Variants in ACOX2 observed in about 807,000 individuals in gnomAD.
The protein encoded by ACOX2 is peroxisomal acyl-coenzyme A oxidase 2.
Under a neutral mutation model 77.5 loss-of-function variants are expected in ACOX2, and 59 were observed. That is an observed-to-expected ratio of 0.76 (90% confidence interval 0.62 to 0.95). The LOEUF is 0.95. ACOX2 is among the 40% of genes least tolerant of loss of function. ACOX2 has a pLI of 0.00. For synonymous variants in ACOX2, 317 were observed against 340.1 expected (o/e 0.93, Z 0.75); for missense variants, 837 against 880.4 (o/e 0.95, Z 0.62).
chr3:58,505,215 TTGG>T lies in ACOX2; in HGVS notation c.*6_*8del. 2 of 1,611,356 alleles carry T rather than the reference TTGG, an allele frequency of 1.2e-6. No homozygotes were observed. The highest frequency in any genetic ancestry group is 1.7e-6 in the Non-Finnish European group (2 of 1,178,246). On this transcript the variant is annotated 3_prime_UTR_variant, in exon 15 of 15. Transcript: ENST00000302819. This position sits in a 1 kb window ranked among gnomAD's most constrained non-coding sequence, Gnocchi z 4.4. ...GGTGCTGGTTGCTTCTTGAATACTGTTGGTTATTTCATAGCTTGGATCTCCAAC... is the reference window on the plus strand; with the variant it reads ...GGTGCTGGTTGCTTCTTGAATACTGTTTATTTCATAGCTTGGATCTCCAAC...
intron 13 of ACOX2, chr3:58,511,684 A>G (rs922658894): frequency 1.3e-5 from 2 of 152,738 alleles, no homozygotes; most frequent in African/African-American, 4.8e-5. Flanking sequence ...AGAAAAAAAA[A>G]TCCCCTCTCT....
At chr3:58,516,134 A>G (rs1486500816) in intron 13 of ACOX2, among the ~76,000 whole-genome samples, 2 of 152,228 alleles carry the variant, frequency 1.3e-5, no homozygotes, top group African/African-American at 4.8e-5. Flanking sequence ...GCACTGCATT[A>G]ATGCTGCATT....
In ACOX2 at chr3:58,524,715, G is replaced by T; in HGVS notation, c.1347-110C>A. On this transcript the variant is annotated intron_variant, in intron 10 of 14. Coordinates refer to ENST00000302819, the MANE Select transcript of ACOX2 (RefSeq NM_003500.4). The surrounding 1 kb of genome is among the most constrained non-coding windows in gnomAD (Gnocchi z 5.5). ...TCATGCTAGGTTCCAGCCTTCCCGT[G>T]GGAGAGCCAGGTCACCAGGCCTCTG... is the stretch of plus-strand genomic sequence containing the variant. The T allele has an allele frequency of 8.2e-7, 1 of 1,219,620 alleles. No homozygotes were observed. The highest frequency in any genetic ancestry group is 1.1e-6 in the Non-Finnish European group (1 of 883,886). 75.5% of individuals were successfully genotyped at this position (1,219,620 alleles called of 1,614,324 possible). A position where few individuals can be genotyped will look rare whatever the true frequency, so the allele number is the denominator to read the frequency against.
Position 58,533,570 on chromosome 3 carries a change from G to A in ACOX2, c.476-18C>T, listed in dbSNP as rs2063456499. On this transcript the variant is annotated intron_variant, in intron 4 of 14. Coordinates refer to ENST00000302819, the MANE Select transcript of ACOX2 (RefSeq NM_003500.4). This position sits in a 1 kb window ranked among gnomAD's most constrained non-coding sequence, Gnocchi z 5.6. ...ATATGTCCCTTAGGATCAAGGAGAG[G>A]TGTTAGACATTGGCCTGAGGTGGGG... 2 of 1,612,136 alleles carry A rather than the reference G, an allele frequency of 1.2e-6. No individual in the cohort carries two copies. The highest frequency in any genetic ancestry group is 1.7e-5 in the Admixed American group (1 of 60,000).
Position 58,530,748 on chromosome 3 carries a change from G to A in ACOX2, c.820-110C>T, listed in dbSNP as rs1265077859. On this transcript the variant is annotated intron_variant, in intron 7 of 14. Coordinates refer to ENST00000302819, the MANE Select transcript of ACOX2 (RefSeq NM_003500.4). ...ATGGAGGGCACCTCGCCCCTCAACC[G>A]GCGCATCTGGAGTTGGAGTGTTAAA... The A allele has an allele frequency of 6.9e-6, 9 of 1,300,948 alleles. No individual in the cohort carries two copies. The Admixed American group carries it at 7.2e-5, about 10-fold the overall frequency. The allele number at this position is 1,300,948 out of a possible 1,614,324, so 80.6% of individuals were successfully genotyped here. A position where few individuals can be genotyped will look rare whatever the true frequency, so the allele number is the denominator to read the frequency against.
Position 58,533,702 on chromosome 3 carries a change from C to A in ACOX2, c.476-150G>T. On this transcript the variant is annotated intron_variant, in intron 4 of 14. Transcript: ENST00000302819. The surrounding 1 kb of genome is among the most constrained non-coding windows in gnomAD (Gnocchi z 5.6). ...GTACTTGCAGGCAGTTCTCCCCTTT[C>A]ATCTGTGGGCTGTGTGTGGGACACA... is the stretch of plus-strand genomic sequence containing the variant. The A allele has an allele frequency of 1.4e-6, 1 of 725,546 alleles. No individual in the cohort carries two copies. Among genetic ancestry groups the A allele is most frequent in the Non-Finnish European group, 2.3e-6 (1 of 433,772 alleles). 44.9% of individuals were successfully genotyped at this position (725,546 alleles called of 1,614,324 possible).
Position 58,505,319 on chromosome 3 carries a change from G to A in ACOX2, c.1984-33C>T. ...TAGAAAGAAACGCATTATTAACACA[G>A]TACATTTCTGCCAGGATTAATGACT... is the stretch of plus-strand genomic sequence containing the variant. On this transcript the variant is annotated intron_variant, in intron 14 of 14. Coordinates refer to ENST00000302819, the MANE Select transcript of ACOX2 (RefSeq NM_003500.4). The surrounding 1 kb of genome is among the most constrained non-coding windows in gnomAD (Gnocchi z 4.4). 1 of 1,539,768 alleles carries A rather than the reference G, an allele frequency of 6.5e-7. No homozygotes were observed. The highest frequency in any genetic ancestry group is 1.4e-5 in the African/African-American group (1 of 73,042).
In ACOX2 at chr3:58,515,192, T is replaced by C. The variant is rs2063313574; in HGVS notation, c.1850+2014A>G. Reference sequence around the variant, plus strand: ...TGTGCCATCACACCCAGCTAATTTTTGTATTTTTAGTAGAGACCGGGTTTC... The same window carrying C: ...TGTGCCATCACACCCAGCTAATTTTCGTATTTTTAGTAGAGACCGGGTTTC... On this transcript the variant is annotated intron_variant, in intron 13 of 14. Coordinates refer to ENST00000302819, the MANE Select transcript of ACOX2 (RefSeq NM_003500.4). This position sits in a 1 kb window ranked among gnomAD's most constrained non-coding sequence, Gnocchi z 4.0. Among the ~76,000 whole-genome samples the C allele has an allele frequency of 6.6e-6, 1 of 152,226 alleles. No individual in the cohort carries two copies. The highest frequency in any genetic ancestry group is 2.4e-5 in the African/African-American group (1 of 41,458).
intron 5 of ACOX2, among the ~76,000 whole-genome samples, chr3:58,532,457 C>G (rs2063447853): frequency 6.6e-6 from 1 of 152,036 alleles, no homozygotes; most frequent in African/African-American, 2.4e-5. Flanking sequence ...CTGAGCTCGG[C>G]TCATTGCAGC....
In ACOX2 at chr3:58,524,456, T is replaced by G; in HGVS notation, c.1496A>C (p.Tyr499Ser). 1 of 1,614,134 alleles carries G rather than the reference T, an allele frequency of 6.2e-7. No homozygotes were observed. The highest frequency in any genetic ancestry group is 1.1e-5 in the South Asian group (1 of 91,074). Residue 499 changes from tyrosine (Y) to serine (S), a missense_variant, in exon 11 of 15, where the codon TAC becomes TCC. Tyr to Ser is a moderately radical substitution (Grantham distance 144). Transcript: ENST00000302819. This position sits in a 1 kb window ranked among gnomAD's most constrained non-coding sequence, Gnocchi z 5.5. ...TGCCACATGTGCCCAGGCCGTGGTG[T>G]AGAGCTCCGGGCAGAGGAAGTCGGC... ...RAADFLCPEL[Y>S]TTAWAHVAVR...
rs930869722 is a variant in ACOX2, at chr3:58,526,963, G to C, written c.1156-307C>G. On this transcript the variant is annotated intron_variant, in intron 9 of 14. Transcript: ENST00000302819. This position sits in a 1 kb window ranked among gnomAD's most constrained non-coding sequence, Gnocchi z 4.3. ...GGCCCACAAACCTCCAGGAGTTACG[G>C]ATTTTGCTGGCCTGGGTTTTAGAAA... 1.3e-5 allele frequency among the ~76,000 whole-genome samples: 2 copies of C among 152,174 alleles called. No individual in the cohort carries two copies. Among genetic ancestry groups the C allele is most frequent in the Admixed American group, 6.5e-5 (1 of 15,286 alleles).
intron 13 of ACOX2, among the ~76,000 whole-genome samples, chr3:58,510,726 ACACACACACACACACT>A (rs2063280699): frequency 1.1e-5 from 1 of 93,440 alleles, no homozygotes. Flanking sequence ...ACACACACAC[ACACACACACACACACT>A]CAACGATTTT....
Position 58,533,762 on chromosome 3 carries a change from C to T in ACOX2, c.476-210G>A, listed in dbSNP as rs1000711221. 7.2e-5 allele frequency: 49 copies of T among 677,910 alleles called. No individual in the cohort carries two copies. Among genetic ancestry groups the T allele is most frequent in the Non-Finnish European group, 1.2e-4 (48 of 405,086 alleles). 42.0% of individuals were successfully genotyped at this position (677,910 alleles called of 1,614,324 possible). On this transcript the variant is annotated intron_variant, in intron 4 of 14. Transcript: ENST00000302819. The surrounding 1 kb of genome is among the most constrained non-coding windows in gnomAD (Gnocchi z 5.6). ...ATAGCCAGTCCATGAGAAGGGGTGG[C>T]TGCTGATGTTTCCAGAAGGAATGAC...
In ACOX2 at chr3:58,517,385, T is replaced by G. The variant is rs755099264; in HGVS notation, c.1671A>C (p.Glu557Asp). 1.2e-6 allele frequency: 2 copies of G among 1,614,136 alleles called. No homozygotes were observed. Among genetic ancestry groups the G allele is most frequent in the Non-Finnish European group, 1.7e-6 (2 of 1,180,022 alleles). Residue 557 changes from glutamate to aspartate, a missense_variant, in exon 13 of 15, where the codon GAA becomes GAC. By Grantham distance (45) the Glu-to-Asp change is conservative (BLOSUM62 2). Transcript: ENST00000302819. The part of the protein sequence containing the change: ...CYYVTVKGFT[E>D]ALEKLENEPA... ...GTTCATTTTCTAGTTTCTCCAGAGC[T>G]TCTGTAAAACCCTTCACAGTGACAT... is the stretch of plus-strand genomic sequence containing the variant.
At chr3:58,530,388 A>G in intron 8 of ACOX2, 78 bp downstream of exon 8, 1 of 1,551,258 alleles carries the variant, frequency 6.4e-7, no homozygotes, top group Non-Finnish European at 8.7e-7. Flanking sequence ...GCTCTGGCAG[A>G]AGGGTGGTGT....
chr3:58,516,194 T>C (rs1560212406), intron 13 of ACOX2, among the ~76,000 whole-genome samples: 1 of 152,142 alleles, frequency 6.6e-6, no homozygotes, highest in East Asian at 1.9e-4. Flanking sequence ...ATTACAGAGT[T>C]AAAAAAAATT....
Position 58,508,631 on chromosome 3 carries a change from G to A in ACOX2, c.1983+262C>T, listed in dbSNP as rs528800278. On this transcript the variant is annotated intron_variant, in intron 14 of 14. Transcript: ENST00000302819. Reference sequence around the variant, plus strand: ...TGGGTCTGTCAAGCCATGATTTAGAGCTTGGGCCTTCCTCTTAATTCCCTT... The same window carrying A: ...TGGGTCTGTCAAGCCATGATTTAGAACTTGGGCCTTCCTCTTAATTCCCTT... Among the ~76,000 whole-genome samples, 8 of 152,314 alleles carry A rather than the reference G, an allele frequency of 5.3e-5. 1 individual carries two copies. The South Asian group carries it at 1.7e-3, about 32-fold the overall frequency.
At position 58,526,537 on chromosome 3, in the gene ACOX2, T is replaced by C; in HGVS notation, c.1275A>G (p.Ser425=). 1 of 1,614,154 alleles carries C rather than the reference T, an allele frequency of 6.2e-7. No homozygotes were observed. Among genetic ancestry groups the C allele is most frequent in the Non-Finnish European group, 8.5e-7 (1 of 1,180,020 alleles). ...HGYSKLSGLP[S]LVTKLSASCT... ...AGGAGGCCGACAATTTGGTGACCAG[T>C]GATGGCAGGCCACTCAGCTTTGAGT... Residue 425 remains serine (S), a synonymous_variant, in exon 10 of 15, where the codon TCA becomes TCG. Coordinates refer to ENST00000302819, the MANE Select transcript of ACOX2 (RefSeq NM_003500.4). The surrounding 1 kb of genome is among the most constrained non-coding windows in gnomAD (Gnocchi z 4.3).
At position 58,534,079 on chromosome 3, in the gene ACOX2, G is replaced by A; in HGVS notation, c.390C>T (p.Gly130=). 6.2e-7 allele frequency: 1 copy of A among 1,614,056 alleles called. No individual in the cohort carries two copies. The highest frequency in any genetic ancestry group is 1.1e-5 in the South Asian group (1 of 91,082). The change falls in exon 4 of 15, where the codon GGC becomes GGT. Residue 130 remains glycine, a synonymous_variant. Coordinates refer to ENST00000302819, the MANE Select transcript of ACOX2 (RefSeq NM_003500.4). The surrounding 1 kb of genome is among the most constrained non-coding windows in gnomAD (Gnocchi z 4.8). ...RVFVRALRSL[G]SEEQIAKWDP... The stretch of plus-strand genomic sequence containing the variant: ...CCCATTTGGCAATCTGCTCCTCTGA[G>A]CCCAGGCTCCTGAGGGCTCTCACGA...
Sources: gnomAD v4.1 joint callset for allele counts (sites outside exome capture counted in the v4.1 genomes callset) on GRCh38, gnomAD v4.1.1 for gene constraint, Gnocchi (gnomAD v3.1) non-coding constraint, MANE v1.5 for transcripts, NCBI Gene and HGNC (gene_info 2026-07-23, HGNC 2026-07-21) for gene names.